CSMD1: variants seen among roughly 807,000 people sequenced by gnomAD.
CSMD1 encodes the protein CUB and Sushi multiple domains 1.
In CSMD1, 213 loss-of-function variants were observed where a neutral mutation model predicts 417.5. That is an observed-to-expected ratio of 0.51 (90% CI 0.46 to 0.57). CSMD1 has a LOEUF of 0.57. Ranked by LOEUF, CSMD1 falls within the 20% of genes least tolerant of loss-of-function variation. The pLI, the probability that CSMD1 is intolerant of heterozygous loss-of-function variation, is 0.00. For synonymous variants in CSMD1, 2,862 were observed against 1,736.8 expected (o/e 1.65, Z -16.11); for missense variants, 6,923 against 4,529.7 (o/e 1.53, Z -15.17).
intron 1 of CSMD1, among the ~76,000 whole-genome samples, chr8:4,716,652 T>A (rs559743326): frequency 7.0e-4 from 107 of 152,330 alleles, no homozygotes; most frequent in Middle Eastern, 3.4e-3. Context: ...CTATTCAGCA[T>A]TTAAGAAAAG....
At chr8:3,783,609 G>A (rs1799297666) in intron 5 of CSMD1, among the ~76,000 whole-genome samples, 1 of 152,138 alleles carries the variant, frequency 6.6e-6, no homozygotes, top group South Asian at 2.1e-4. Flanking sequence ...AGGCCTGAGA[G>A]GAAGCCCTGG....
At chr8:4,204,316 G>C (rs1033486294) in intron 3 of CSMD1, among the ~76,000 whole-genome samples, 1 of 150,768 alleles carries the variant, frequency 6.6e-6, no homozygotes, top group Non-Finnish European at 1.5e-5. Flanking sequence ...CTCAGAATCA[G>C]AATAGTTTTT....
At chr8:4,407,392 G>A (rs955069262) in intron 3 of CSMD1, among the ~76,000 whole-genome samples, 1 of 152,126 alleles carries the variant, frequency 6.6e-6, no homozygotes, top group Non-Finnish European at 1.5e-5. Context: ...CAGGCTAGAA[G>A]GCAACTTGTG....
intron 18 of CSMD1, among the ~76,000 whole-genome samples, chr8:3,371,387 T>A (rs1809936624): frequency 6.6e-6 from 1 of 151,922 alleles, no homozygotes; most frequent in Non-Finnish European, 1.5e-5. Context: ...ATGAAATAAG[T>A]GAATACATGT....
intron 49 of CSMD1, among the ~76,000 whole-genome samples, chr8:3,055,906 G>A (rs1195055259): frequency 6.6e-6 from 1 of 152,110 alleles, no homozygotes; most frequent in Non-Finnish European, 1.5e-5. Flanking sequence ...AGGTTATTAA[G>A]ACCTATGTCA....
intron 4 of CSMD1, among the ~76,000 whole-genome samples, chr8:4,006,505 C>A (rs555407082): frequency 1.3e-5 from 2 of 152,324 alleles, no homozygotes; most frequent in African/African-American, 4.8e-5. Context: ...GATCACCCCA[C>A]TGCACTTGGC....
intron 26 of CSMD1, among the ~76,000 whole-genome samples, chr8:3,273,765 G>T (rs538776021): frequency 6.8e-6 from 1 of 147,920 alleles, no homozygotes; most frequent in South Asian, 2.2e-4. Flanking sequence ...ATTTCTGTGG[G>T]ATTGGTGGTG....
At chr8:3,072,506 C>T (rs1235176160) in intron 49 of CSMD1, among the ~76,000 whole-genome samples, 1 of 152,242 alleles carries the variant, frequency 6.6e-6, no homozygotes, top group South Asian at 2.1e-4. Context: ...TTCCACCAAG[C>T]TTGTCATGTC....
At chr8:4,554,577 AT>A (rs1418894869) in intron 2 of CSMD1, among the ~76,000 whole-genome samples, 1 of 152,212 alleles carries the variant, frequency 6.6e-6, no homozygotes, top group Non-Finnish European at 1.5e-5. Context: ...GCGAAGCTGT[AT>A]ATGACATTTA....
chr8:4,942,276 T>TA (rs747962451), intron 1 of CSMD1, among the ~76,000 whole-genome samples: 1 of 152,126 alleles, frequency 6.6e-6, no homozygotes, highest in Non-Finnish European at 1.5e-5. Context: ...TCCATCTTGA[T>TA]AAAACTATGA....
At chr8:3,181,053 T>C in intron 37 of CSMD1, 57 bp downstream of exon 37, 1 of 1,057,610 alleles carries the variant, frequency 9.5e-7, no homozygotes, top group Non-Finnish European at 1.4e-6. Context: ...TATTTTTTCT[T>C]TAAAAAAATG....
chr8:2,949,826 G>C (rs2128918618), intron 67 of CSMD1, among the ~76,000 whole-genome samples: 1 of 152,202 alleles, frequency 6.6e-6, no homozygotes, highest in East Asian at 1.9e-4. Context: ...TGCAAAGAAC[G>C]GTGTTAAGGG....
intron 3 of CSMD1, among the ~76,000 whole-genome samples, chr8:4,407,444 T>G (rs912140592): frequency 1.3e-5 from 2 of 152,216 alleles, no homozygotes; most frequent in Non-Finnish European, 2.9e-5. Context: ...TAAATGTGAT[T>G]AAATCAAAAG....
chr8:3,617,676 A>G (rs1207127595), intron 7 of CSMD1, among the ~76,000 whole-genome samples: 3 of 152,200 alleles, frequency 2.0e-5, no homozygotes, highest in South Asian at 2.1e-4. Flanking sequence ...AAGGATGGAG[A>G]CAACAGCATG....
intron 5 of CSMD1, among the ~76,000 whole-genome samples, chr8:3,971,841 T>C (rs1426130298): frequency 1.3e-5 from 2 of 152,208 alleles, no homozygotes; most frequent in East Asian, 3.8e-4. Flanking sequence ...ATTTGAAATA[T>C]TTAGCTTGCC....
intron 5 of CSMD1, among the ~76,000 whole-genome samples, chr8:3,771,031 T>TGTGTGC (rs938326009): frequency 7.9e-5 from 12 of 151,310 alleles, no homozygotes; most frequent in African/African-American, 2.9e-4. Flanking sequence ...TGTGTGTGTC[T>TGTGTGC]GCGTGCGTGT....
intron 3 of CSMD1, among the ~76,000 whole-genome samples, chr8:4,345,664 C>G (rs916861093): frequency 3.9e-5 from 6 of 152,008 alleles, no homozygotes; most frequent in Non-Finnish European, 7.4e-5. Context: ...TGGAAGAGAC[C>G]TTTCTCAAGA....
intron 50 of CSMD1, among the ~76,000 whole-genome samples, chr8:3,038,642 T>C (rs1184195010): frequency 2.0e-5 from 3 of 152,212 alleles, no homozygotes; most frequent in South Asian, 2.1e-4. Flanking sequence ...AACGCTGAAC[T>C]GGGTATTAGA....
chr8:4,582,904 G>T (rs1488927908), intron 2 of CSMD1, among the ~76,000 whole-genome samples: 1 of 152,216 alleles, frequency 6.6e-6, no homozygotes, highest in African/African-American at 2.4e-5. Flanking sequence ...CGTGGGCTTG[G>T]CTGGCCCCAC....
Sources: allele counts gnomAD v4.1 joint callset (sites outside exome capture counted in the v4.1 genomes callset), GRCh38; gene constraint gnomAD v4.1.1; transcripts MANE v1.5; gene names NCBI Gene and HGNC (gene_info 2026-07-23, HGNC 2026-07-21).